Variants in ZNF143 observed in about 807,000 individuals in gnomAD.
ZNF143 encodes the protein zinc finger protein 143, also known as SPH-binding factor.
In ZNF143, 49 loss-of-function variants were observed where a neutral mutation model predicts 74.1. The ratio of observed to expected loss-of-function variants is 0.66; its 90% CI spans 0.53 to 0.84. The LOEUF (loss-of-function observed/expected upper bound fraction) is 0.84, where lower values mean the gene tolerates loss of function less well. Ranked by LOEUF, ZNF143 falls within the 40% of genes least tolerant of loss-of-function variation. The pLI, the probability that ZNF143 is intolerant of heterozygous loss-of-function variation, is 0.00. For missense variants in ZNF143, 637 were observed against 793.4 expected (o/e 0.80, Z 2.37); for synonymous variants, 304 against 282.8 (o/e 1.07, Z -0.75).
chr11:9,482,340 G>A (rs530829043), intron 7 of ZNF143, among the ~76,000 whole-genome samples: 200 of 147,544 alleles, frequency 1.4e-3, no homozygotes, highest in Middle Eastern at 3.5e-3. Context: ...GCTCGATCTC[G>A]GCTCACTGTA....
intron 6 of ZNF143, among the ~76,000 whole-genome samples, chr11:9,478,900 G>T (rs1390413650): frequency 6.6e-6 from 1 of 152,082 alleles, no homozygotes; most frequent in Non-Finnish European, 1.5e-5. Context: ...AAAAAAAAAG[G>T]GAATGGAGTA....
At chr11:9,518,201 C>G (rs925212485) in intron 14 of ZNF143, among the ~76,000 whole-genome samples, 3 of 152,162 alleles carry the variant, frequency 2.0e-5, no homozygotes, top group Admixed American at 2.0e-4. Flanking sequence ...AAATTAACAT[C>G]ACAATGAGAG....
chr11:9,474,682 G>T, intron 5 of ZNF143, 49 bp downstream of exon 5: 1 of 1,542,474 alleles, frequency 6.5e-7, no homozygotes, highest in Non-Finnish European at 9.0e-7. Context: ...AGTGGGAGTG[G>T]TGGGGGAAAG....
intron 1 of ZNF143, among the ~76,000 whole-genome samples, chr11:9,467,679 CTACTAAAAA>C (rs1460235776): frequency 6.6e-6 from 1 of 151,920 alleles, no homozygotes; most frequent in Non-Finnish European, 1.5e-5. Flanking sequence ...AAACCCTTCT[CTACTAAAAA>C]TACAAAAAAT....
chr11:9,497,440 A>G (rs1255737346), intron 9 of ZNF143, among the ~76,000 whole-genome samples: 1 of 152,168 alleles, frequency 6.6e-6, no homozygotes, highest in Non-Finnish European at 1.5e-5. Flanking sequence ...CATGTTGGCC[A>G]GGCTGAGCTC....
intron 13 of ZNF143, among the ~76,000 whole-genome samples, chr11:9,514,200 T>C (rs1196483286): frequency 6.6e-6 from 1 of 152,206 alleles, no homozygotes; most frequent in Non-Finnish European, 1.5e-5. Context: ...AATTCTACTA[T>C]TTATCAGACC....
intron 8 of ZNF143, 129 bp downstream of exon 8, chr11:9,494,894 A>G (rs1847906945): frequency 1.1e-6 from 1 of 945,358 alleles, no homozygotes; most frequent in Non-Finnish European, 1.5e-6. Flanking sequence ...ACTTGGTCAC[A>G]CTCATACACA....
At chr11:9,519,940 C>G (rs190825959) in intron 14 of ZNF143, among the ~76,000 whole-genome samples, 2 of 150,792 alleles carry the variant, frequency 1.3e-5, no homozygotes, top group Admixed American at 1.3e-4. Context: ...AATCCCAGCA[C>G]TTTGGGAGGC....
intron 11 of ZNF143, among the ~76,000 whole-genome samples, chr11:9,502,000 G>A (rs1367634889): frequency 7.8e-6 from 1 of 128,526 alleles, no homozygotes. Context: ...GCAATGGCGC[G>A]ATCTCGGCTC....
At chr11:9,496,437 C>A in intron 9 of ZNF143, 59 bp downstream of exon 9, 1 of 1,437,812 alleles carries the variant, frequency 7.0e-7, no homozygotes, top group Non-Finnish European at 9.8e-7. Context: ...TAGAGACAGG[C>A]TAGTGGAAGG....
At chr11:9,467,688 A>G (rs538390126) in intron 1 of ZNF143, among the ~76,000 whole-genome samples, 8 of 152,052 alleles carry the variant, frequency 5.3e-5, no homozygotes, top group Non-Finnish European at 1.2e-4. Flanking sequence ...TCTACTAAAA[A>G]TACAAAAAAT....
In ZNF143 at chr11:9,471,395, C is replaced by T; in HGVS notation, c.87C>T (p.Cys29=). 6.2e-7 allele frequency: 1 copy of T among 1,609,508 alleles called. No homozygotes were observed. The change falls in exon 2 of 16, where the codon TGC becomes TGT. Residue 29 remains cysteine, a synonymous_variant. Coordinates refer to ENST00000396602, the MANE Select transcript of ZNF143 (RefSeq NM_003442.6). ...TGGAGGCGCAACATGTTACGCTGTG[C>T]TTGACAGAGGCAGTCACCGTGGCAG... The part of the protein sequence containing the change: ...GGMEAQHVTL[C]LTEAVTVADG...
At chr11:9,486,760 C>G (rs1847569981) in intron 7 of ZNF143, among the ~76,000 whole-genome samples, 1 of 149,628 alleles carries the variant, frequency 6.7e-6, no homozygotes, top group Non-Finnish European at 1.5e-5. Flanking sequence ...CCTTTGCCAC[C>G]CGGGTTCAAG....
chr11:9,477,339 C>T (rs1005343037), intron 5 of ZNF143, among the ~76,000 whole-genome samples: 1 of 151,856 alleles, frequency 6.6e-6, no homozygotes, highest in Non-Finnish European at 1.5e-5. Context: ...ACTGCAACCT[C>T]CACATCCTGG....
chr11:9,507,795 G>A (rs1441707874), intron 11 of ZNF143, among the ~76,000 whole-genome samples: 1 of 151,998 alleles, frequency 6.6e-6, no homozygotes, highest in Admixed American at 6.6e-5. Context: ...CCATCTTTTT[G>A]GTATACAGCC....
At chr11:9,524,831 C>A (rs2134276769) in intron 14 of ZNF143, among the ~76,000 whole-genome samples, 1 of 151,754 alleles carries the variant, frequency 6.6e-6, no homozygotes, top group African/African-American at 2.4e-5. Context: ...TTAAATACGA[C>A]AAGTAAAGAG....
chr11:9,508,485 C>T, intron 11 of ZNF143, 134 bp from the exon 12 acceptor site: 1 of 740,234 alleles, frequency 1.4e-6, no homozygotes, highest in South Asian at 1.9e-5. Context: ...TTCTTGTGTG[C>T]TGCCTCATGG....
chr11:9,467,651 G>A (rs1323891924), intron 1 of ZNF143, among the ~76,000 whole-genome samples: 4 of 151,816 alleles, frequency 2.6e-5, no homozygotes, highest in South Asian at 2.1e-4. Context: ...TTCAAGACCC[G>A]CCTGGCCAGC....
intron 14 of ZNF143, among the ~76,000 whole-genome samples, chr11:9,518,668 G>C (rs902301270): frequency 6.7e-6 from 1 of 150,040 alleles, no homozygotes; most frequent in Admixed American, 6.7e-5. Flanking sequence ...AGTCAGCCGA[G>C]ATTGCACCAC....
Sources: gnomAD v4.1 joint callset for allele counts (sites outside exome capture counted in the v4.1 genomes callset) on GRCh38, gnomAD v4.1.1 for gene constraint, MANE v1.5 for transcripts, NCBI Gene and HGNC (gene_info 2026-07-23, HGNC 2026-07-21) for gene names.